RANGAP1: variants seen among roughly 807,000 people sequenced by gnomAD.
The protein encoded by RANGAP1 is ran GTPase-activating protein 1.
In RANGAP1, 38 loss-of-function variants were observed where a neutral mutation model predicts 63.5. The ratio of observed to expected loss-of-function variants is 0.60; its 90% CI spans 0.46 to 0.78. RANGAP1 has a LOEUF of 0.78. Ranked by LOEUF, RANGAP1 falls within the 30% of genes least tolerant of loss-of-function variation. The pLI, the probability that RANGAP1 is intolerant of heterozygous loss-of-function variation, is 0.00. For missense variants in RANGAP1, 630 were observed against 740.3 expected (o/e 0.85, Z 1.73); for synonymous variants, 329 against 310.5 (o/e 1.06, Z -0.63).
intron 2 of RANGAP1, among the ~76,000 whole-genome samples, chr22:41,276,055 C>T (rs1199762689): frequency 6.6e-6 from 1 of 152,164 alleles, no homozygotes; most frequent in Non-Finnish European, 1.5e-5. Context: ...TGAAAGATGA[C>T]ACAGGTGTTT....
At chr22:41,254,270 G>C (rs2033666412) in intron 11 of RANGAP1, 38 bp downstream of exon 11, 1 of 1,612,536 alleles carries the variant, frequency 6.2e-7, no homozygotes, top group East Asian at 2.2e-5. Flanking sequence ...ACGTTCTCAG[G>C]ACCAGGGCTC....
upstream of RANGAP1, among the ~76,000 whole-genome samples, chr22:41,287,378 T>TG (rs1183616454): frequency 2.4e-4 from 31 of 130,780 alleles, no homozygotes; most frequent in African/African-American, 7.6e-4. Flanking sequence ...AGCGTTTTTT[T>TG]TTTGTTTTTT....
At chr22:41,296,444 C>T in the RANGAP1 span, among the ~76,000 whole-genome samples, 1 of 152,022 alleles carries the variant, frequency 6.6e-6, no homozygotes, top group Non-Finnish European at 1.5e-5. Flanking sequence ...GTCAGGAGTT[C>T]AAGACCAGTC....
At chr22:41,254,812 A>G (rs2033714384) in intron 10 of RANGAP1, 1 of 236,630 alleles carries the variant, frequency 4.2e-6, no homozygotes. Context: ...CTCTACTAAA[A>G]ATACAAAAAA....
intron 3 of RANGAP1, among the ~76,000 whole-genome samples, chr22:41,271,594 T>G (rs1212052612): frequency 6.7e-6 from 1 of 150,238 alleles, no homozygotes; most frequent in Non-Finnish European, 1.5e-5. Context: ...CTTGGGAGGC[T>G]GAGGCAGGAG....
intron 5 of RANGAP1, 101 bp downstream of exon 5, chr22:41,264,563 G>A (rs1569190093): frequency 1.5e-6 from 2 of 1,368,926 alleles, no homozygotes; most frequent in Non-Finnish European, 2.0e-6. Context: ...GAAAACAACG[G>A]CTGACCATCC....
Position 41,268,082 on chromosome 22 carries a change from G to T in RANGAP1, c.300+15C>A. On this transcript the variant is annotated intron_variant, in intron 4 of 15. Coordinates refer to ENST00000356244, the MANE Select transcript of RANGAP1 (RefSeq NM_002883.4). ...GGCCTTGCGCGTGGAGGGGAAGAGC[G>T]GCTAGTTCGCTTACCAGGGCTGGTG... The T allele has an allele frequency of 1.3e-6, 2 of 1,533,306 alleles. No homozygotes were observed. Among genetic ancestry groups the T allele is most frequent in the East Asian group, 2.4e-5 (1 of 41,362 alleles). The allele number at this position is 1,533,306 out of a possible 1,614,324, so 95.0% of individuals were successfully genotyped here.
rs61251388 is a variant in RANGAP1, at chr22:41,249,585, G to A, written c.1573-134C>T. ...GAATCTCATCGTGAAGACCAAGGCT[G>A]CTGGGGCAGACCCAGGCCTCGGGGC... On this transcript the variant is annotated intron_variant, in intron 14 of 15. Transcript: ENST00000356244. 12,457 of 1,532,058 alleles carry A rather than the reference G, an allele frequency of 8.1e-3. 830 individuals carry two copies. The African/African-American group carries it at 0.15, about 18-fold the overall frequency. The allele number at this position is 1,532,058 out of a possible 1,614,324, so 94.9% of individuals were successfully genotyped here. A position where few individuals can be genotyped will look rare whatever the true frequency, so the allele number is the denominator to read the frequency against.
intron 5 of RANGAP1, among the ~76,000 whole-genome samples, chr22:41,264,403 G>A (rs775423245): frequency 3.9e-5 from 6 of 152,246 alleles, no homozygotes; most frequent in Non-Finnish European, 7.3e-5. Context: ...GAGTTTTGCA[G>A]AGCCAGCAGG....
chr22:41,287,557 G>T (rs183748912), upstream of RANGAP1, among the ~76,000 whole-genome samples: 261 of 152,064 alleles, frequency 1.7e-3, 1 homozygote, highest in African/African-American at 5.7e-3. Context: ...TCTCAGCTAA[G>T]GGCCTGAGGC....
At chr22:41,300,993 ACT>A in the RANGAP1 span, among the ~76,000 whole-genome samples, 1 of 151,526 alleles carries the variant, frequency 6.6e-6, no homozygotes, top group Non-Finnish European at 1.5e-5. Context: ...GAGCCCAAAT[ACT>A]CTCCCTGACC....
chr22:41,271,403 A>AAC (rs1555941573), intron 3 of RANGAP1, among the ~76,000 whole-genome samples: 1 of 149,666 alleles, frequency 6.7e-6, no homozygotes, highest in Non-Finnish European at 1.5e-5. Context: ...AAACAAAAAA[A>AAC]AAAAACAAAA....
At chr22:41,292,338 C>T in the RANGAP1 span, among the ~76,000 whole-genome samples, 6 of 151,714 alleles carry the variant, frequency 4.0e-5, no homozygotes, top group East Asian at 3.9e-4. Context: ...TAGTAGAGAT[C>T]GGGGTTTCAC....
At chr22:41,295,138 G>T in the RANGAP1 span, among the ~76,000 whole-genome samples, 1 of 135,682 alleles carries the variant, frequency 7.4e-6, no homozygotes, top group African/African-American at 3.3e-5. Flanking sequence ...CCTCTGCCCG[G>T]CCGCCCCTAC....
intron 1 of RANGAP1, chr22:41,282,023 C>G (rs1375019224): frequency 6.6e-6 from 1 of 152,182 alleles, no homozygotes; most frequent in African/African-American, 2.4e-5. Context: ...ACTGGGGAGG[C>G]TGAGGTGGGA....
intron 1 of RANGAP1, among the ~76,000 whole-genome samples, chr22:41,283,721 G>T (rs958526073): frequency 2.0e-5 from 3 of 152,122 alleles, no homozygotes; most frequent in Non-Finnish European, 4.4e-5. Context: ...CTGAAGCACA[G>T]AGAGAGAGGA....
the RANGAP1 span, among the ~76,000 whole-genome samples, chr22:41,299,749 T>C: frequency 1.3e-5 from 2 of 151,690 alleles, no homozygotes; most frequent in Non-Finnish European, 2.9e-5. Flanking sequence ...TCCTGGCCCT[T>C]TTCTTTTTCT....
chr22:41,282,202 T>G (rs1441297095), intron 1 of RANGAP1: 2 of 152,186 alleles, frequency 1.3e-5, no homozygotes, highest in African/African-American at 2.4e-5. Flanking sequence ...CTGGAGAGGC[T>G]GAGGCAGGAG....
rs774654300 is a variant in RANGAP1, at chr22:41,249,389, C to T, written c.1635G>A (p.Met545Ile). 6.2e-6 allele frequency: 10 copies of T among 1,613,884 alleles called. No homozygotes were observed. The South Asian group carries it at 1.1e-4, about 18-fold the overall frequency. Residue 545 changes from methionine to isoleucine, a missense_variant, in exon 15 of 16, where the codon ATG (methionine) becomes ATA (isoleucine). Physicochemically the swap from Met to Ile is conservative, Grantham distance 10. Around this residue, in one of 3 missense-constraint regions of RANGAP1, gnomAD observed 428 missense variants for 465.5 expected, o/e 0.92. Transcript: ENST00000356244. Reference sequence around the variant, plus strand: ...CCTTGGGGAAATAGTCCTGCTGCACCATGTGGTTCAGCGCCATCAGGGGGC... The same window carrying T: ...CCTTGGGGAAATAGTCCTGCTGCACTATGTGGTTCAGCGCCATCAGGGGGC... ...LYGPLMALNH[M>I]VQQDYFPKAL... is the part of the protein sequence containing the mutation.
Sources: allele counts gnomAD v4.1 joint callset (sites outside exome capture counted in the v4.1 genomes callset), GRCh38; gene constraint gnomAD v4.1.1; regional missense constraint gnomAD v4.1.1; transcripts MANE v1.5; gene names NCBI Gene and HGNC (gene_info 2026-07-23, HGNC 2026-07-21).